The following CAST variants were observed in gnomAD, a reference collection of about 807,000 sequenced individuals.
The protein encoded by CAST is calpastatin.
In CAST, 76 loss-of-function variants were observed where a neutral mutation model predicts 119.6. The ratio of observed to expected loss-of-function variants is 0.64; its 90% CI spans 0.53 to 0.77. The LOEUF (loss-of-function observed/expected upper bound fraction) is 0.77, where lower values mean the gene tolerates loss of function less well. Among genes scored for constraint, CAST ranks in the 30% least tolerant of loss-of-function variants. The pLI is 0.00. For missense variants in CAST, 953 were observed against 946.5 expected (o/e 1.01, Z -0.09); for synonymous variants, 319 against 331.6 (o/e 0.96, Z 0.41).
the CAST span, among the ~76,000 whole-genome samples, chr5:96,238,298 C>G: frequency 6.7e-6 from 1 of 149,348 alleles, no homozygotes; most frequent in Non-Finnish European, 1.5e-5. Flanking sequence ...AAATGCAAAT[C>G]TGTTTCTTCT....
the CAST span, among the ~76,000 whole-genome samples, chr5:95,998,966 G>A: frequency 0.42 from 64,123 of 151,874 alleles, 16,254 homozygotes; most frequent in East Asian, 0.84. Context: ...ATGGTATCTC[G>A]TTGTGGTTTT....
chr5:96,722,549 C>T, intron 3 of CAST, 90 bp from the exon 4 acceptor site: 3 of 973,954 alleles, frequency 3.1e-6, no homozygotes, highest in Non-Finnish European at 4.9e-6. Context: ...GGTAAAGGGC[C>T]AAGGGCAGTA....
At chr5:95,992,434 G>A in the CAST span, among the ~76,000 whole-genome samples, 1 of 151,032 alleles carries the variant, frequency 6.6e-6, no homozygotes, top group Non-Finnish European at 1.5e-5. Flanking sequence ...GAAAACCCAT[G>A]GGCCTAGTCT....
intron 1 of CAST, among the ~76,000 whole-genome samples, chr5:96,666,269 C>CACACACACAA (rs1315354005): frequency 4.6e-5 from 7 of 152,046 alleles, no homozygotes; most frequent in Admixed American, 4.6e-4. Flanking sequence ...CACACACACA[C>CACACACACAA]ACACACACAC....
At chr5:96,636,616 T>C (rs1747889666) in intron 1 of CAST, among the ~76,000 whole-genome samples, 1 of 152,180 alleles carries the variant, frequency 6.6e-6, no homozygotes, top group Non-Finnish European at 1.5e-5. Context: ...AATACTTTGT[T>C]AGATTTGGGA....
the CAST span, among the ~76,000 whole-genome samples, chr5:96,404,784 T>C: frequency 6.6e-6 from 1 of 152,168 alleles, no homozygotes; most frequent in Non-Finnish European, 1.5e-5. Context: ...TGGTTATATA[T>C]CTCAACCTCT....
chr5:96,423,125 T>C, the CAST span, among the ~76,000 whole-genome samples: 3 of 152,178 alleles, frequency 2.0e-5, no homozygotes, highest in Admixed American at 2.0e-4. Context: ...CACTGAATTA[T>C]TTCAATGCCC....
At chr5:96,674,939 A>T (rs1750522890) in intron 1 of CAST, among the ~76,000 whole-genome samples, 1 of 152,262 alleles carries the variant, frequency 6.6e-6, no homozygotes. Flanking sequence ...TATGATTGTT[A>T]TGTGTTAATT....
intron 27 of CAST, among the ~76,000 whole-genome samples, chr5:96,766,954 G>C (rs902001639): frequency 1.3e-5 from 2 of 152,116 alleles, no homozygotes; most frequent in African/African-American, 4.8e-5. Context: ...CCTCAAGATA[G>C]CAATTCCACA....
chr5:96,263,368 AG>A, the CAST span, among the ~76,000 whole-genome samples: 1 of 152,196 alleles, frequency 6.6e-6, no homozygotes, highest in Non-Finnish European at 1.5e-5. Flanking sequence ...GGAAACTGAA[AG>A]TGAAGAAGAA....
intron 1 of CAST, among the ~76,000 whole-genome samples, chr5:96,565,708 C>G (rs1485269526): frequency 1.3e-5 from 2 of 152,116 alleles, no homozygotes; most frequent in Non-Finnish European, 2.9e-5. Flanking sequence ...CCTAAGGCAG[C>G]CCGCCAGGCT....
the CAST span, among the ~76,000 whole-genome samples, chr5:96,258,941 G>C: frequency 6.6e-6 from 1 of 152,144 alleles, no homozygotes; most frequent in Non-Finnish European, 1.5e-5. Flanking sequence ...ATACAAATAA[G>C]TACTAAATGA....
At chr5:96,144,420 C>G in the CAST span, among the ~76,000 whole-genome samples, 1 of 152,164 alleles carries the variant, frequency 6.6e-6, no homozygotes, top group African/African-American at 2.4e-5. Flanking sequence ...TCTTCCCAGA[C>G]CTGACTTGCT....
At chr5:96,374,079 G>A in the CAST span, among the ~76,000 whole-genome samples, 1 of 152,076 alleles carries the variant, frequency 6.6e-6, no homozygotes, top group Non-Finnish European at 1.5e-5. Flanking sequence ...TTAAGATTTG[G>A]CACCTTATGT....
At chr5:96,615,663 C>T (rs927864463) in intron 1 of CAST, among the ~76,000 whole-genome samples, 1 of 152,124 alleles carries the variant, frequency 6.6e-6, no homozygotes, top group Non-Finnish European at 1.5e-5. Flanking sequence ...AGTAGGGAAT[C>T]AGGAGATTAT....
chr5:96,197,199 C>G, the CAST span, among the ~76,000 whole-genome samples: 1 of 152,104 alleles, frequency 6.6e-6, no homozygotes, highest in African/African-American at 2.4e-5. Flanking sequence ...GGCATCTGTC[C>G]CAGTTCAAAT....
chr5:96,171,518 C>T, the CAST span, among the ~76,000 whole-genome samples: 7 of 152,178 alleles, frequency 4.6e-5, no homozygotes, highest in Admixed American at 3.3e-4. Flanking sequence ...CCAAGGCAGG[C>T]GTCCCGGCGG....
chr5:96,655,042 C>T (rs924891284), intron 1 of CAST, among the ~76,000 whole-genome samples: 4 of 152,150 alleles, frequency 2.6e-5, no homozygotes, highest in African/African-American at 9.7e-5. Context: ...CTACAATGTA[C>T]ATGCTATTTT....
chr5:96,425,910 C>T, the CAST span: 1 of 1,610,298 alleles, frequency 6.2e-7, no homozygotes. Flanking sequence ...CTTTTTCATA[C>T]TGTTGTTCAG....
Sources: gnomAD v4.1 joint callset for allele counts (sites outside exome capture counted in the v4.1 genomes callset) on GRCh38, gnomAD v4.1.1 for gene constraint, MANE v1.5 for transcripts, NCBI Gene and HGNC (gene_info 2026-07-23, HGNC 2026-07-21) for gene names.